Variants in UTS2 observed in about 807,000 individuals in gnomAD.
UTS2 encodes urotensin-2.
Under a neutral mutation model 12.6 loss-of-function variants are expected in UTS2, and 10 were observed. The observed-to-expected ratio is 0.80, with a 90% CI of 0.49 to 1.35. The LOEUF (loss-of-function observed/expected upper bound fraction) is 1.35. Ranked by LOEUF, UTS2 falls within the 40% of genes most tolerant of loss-of-function variation. The pLI is 0.00. For synonymous variants in UTS2, 52 were observed against 50.0 expected, an observed-to-expected ratio of 1.04 and a Z score of -0.17; for missense variants, 142 against 143.2, an observed-to-expected ratio of 0.99 and a Z score of 0.04.
chr1:7,854,083 C>A (rs747577085), upstream of UTS2, among the ~76,000 whole-genome samples: 2 of 152,046 alleles, frequency 1.3e-5, no homozygotes, highest in Non-Finnish European at 2.9e-5. Flanking sequence ...CAGTGGCTCA[C>A]GCCTGTAATC....
the UTS2 span, among the ~76,000 whole-genome samples, chr1:7,886,563 G>A: frequency 2.0e-5 from 3 of 152,108 alleles, no homozygotes; most frequent in Admixed American, 6.5e-5. Context: ...TGAAACCGAT[G>A]GCTCACAAAG....
At chr1:7,892,209 G>T in the UTS2 span, among the ~76,000 whole-genome samples, 4 of 152,172 alleles carry the variant, frequency 2.6e-5, no homozygotes, top group African/African-American at 9.7e-5. Context: ...CAGACCTGGT[G>T]GCTTCAAACA....
upstream of UTS2, among the ~76,000 whole-genome samples, chr1:7,855,180 A>T (rs1638281625): frequency 6.6e-6 from 1 of 152,060 alleles, no homozygotes; most frequent in African/African-American, 2.4e-5. Flanking sequence ...CAAACAAGTC[A>T]TGATGTATAC....
At chr1:7,850,120 C>A (rs1242746540) in intron 2 of UTS2, among the ~76,000 whole-genome samples, 1 of 152,026 alleles carries the variant, frequency 6.6e-6, no homozygotes, top group Non-Finnish European at 1.5e-5. Context: ...CAGGTGCCCG[C>A]CACCATGCCC....
the UTS2 span, among the ~76,000 whole-genome samples, chr1:7,901,707 T>C: frequency 3.9e-4 from 60 of 151,922 alleles, no homozygotes; most frequent in Non-Finnish European, 6.9e-4. Context: ...ATTTTACAAA[T>C]GAGGAAACGG....
chr1:7,906,508 A>AGAAAGAAAGAAAG, the UTS2 span, among the ~76,000 whole-genome samples: 1 of 150,252 alleles, frequency 6.7e-6, no homozygotes, highest in African/African-American at 2.5e-5. Flanking sequence ...AGAAAGAAAG[A>AGAAAGAAAGAAAG]AAAGAGGGAG....
chr1:7,851,062 A>G, intron 1 of UTS2, 140 bp from the exon 2 acceptor site: 3 of 751,596 alleles, frequency 4.0e-6, no homozygotes, highest in Non-Finnish European at 6.6e-6. Flanking sequence ...ACGTGTCATC[A>G]GTGGTATTCT....
At chr1:7,856,520 G>T (rs943573648), upstream of UTS2, among the ~76,000 whole-genome samples, 2 of 47,874 alleles carry the variant, frequency 4.2e-5, no homozygotes, top group African/African-American at 1.8e-4. Flanking sequence ...GGGAAGCGTG[G>T]CCTCCGAGGA....
chr1:7,906,932 T>A, the UTS2 span, among the ~76,000 whole-genome samples: 3 of 152,144 alleles, frequency 2.0e-5, no homozygotes, highest in Admixed American at 2.0e-4. Context: ...TTATTAGCCT[T>A]TGCCACTGAA....
chr1:7,848,201 A>G (rs1260208445), intron 3 of UTS2, among the ~76,000 whole-genome samples: 1 of 152,042 alleles, frequency 6.6e-6, no homozygotes, highest in Non-Finnish European at 1.5e-5. Context: ...TAATCCTAGC[A>G]CTTTAGGAGG....
At chr1:7,862,058 G>T in the UTS2 span, among the ~76,000 whole-genome samples, 1 of 151,596 alleles carries the variant, frequency 6.6e-6, no homozygotes, top group Non-Finnish European at 1.5e-5. Flanking sequence ...GATTACAGGG[G>T]CTGCCCACCA....
upstream of UTS2, chr1:7,853,430 ATT>A: frequency 6.2e-7 from 1 of 1,613,212 alleles, no homozygotes; most frequent in Non-Finnish European, 8.5e-7. Flanking sequence ...GTTGGTTTCC[ATT>A]TTTTAATCTT....
At chr1:7,861,915 C>CT in the UTS2 span, among the ~76,000 whole-genome samples, 3,940 of 142,794 alleles carry the variant, frequency 0.028, 136 homozygotes, top group African/African-American at 0.085. Context: ...CAAAACACCT[C>CT]TTTTTTTTTT....
chr1:7,856,823 G>GT (rs1321476240), upstream of UTS2, among the ~76,000 whole-genome samples: 1 of 152,134 alleles, frequency 6.6e-6, no homozygotes, highest in African/African-American at 2.4e-5. Context: ...CACTTTGGGG[G>GT]GCCGAGGCAG....
the UTS2 span, among the ~76,000 whole-genome samples, chr1:7,903,957 G>A: frequency 0.12 from 18,498 of 152,076 alleles, 1,497 homozygotes; most frequent in Middle Eastern, 0.2. Flanking sequence ...TTTATTACCC[G>A]TCTGATGTAC....
At chr1:7,859,056 T>A in the UTS2 span, among the ~76,000 whole-genome samples, 1 of 152,218 alleles carries the variant, frequency 6.6e-6, no homozygotes, top group Non-Finnish European at 1.5e-5. Context: ...GTGCTTTGAA[T>A]ACTGCAATGT....
chr1:7,906,482 A>AGAAAGAAG, the UTS2 span, among the ~76,000 whole-genome samples: 1 of 146,984 alleles, frequency 6.8e-6, no homozygotes, highest in Non-Finnish European at 1.5e-5. Context: ...AAAGAAAGAA[A>AGAAAGAAG]GAAAGAAAGA....
At chr1:7,890,976 C>G in the UTS2 span, among the ~76,000 whole-genome samples, 33,253 of 148,816 alleles carry the variant, frequency 0.22, 4,712 homozygotes, top group East Asian at 0.45. Context: ...CACCCCCCCC[C>G]ACAAAACTGG....
the UTS2 span, among the ~76,000 whole-genome samples, chr1:7,879,711 G>A: frequency 2.0e-5 from 3 of 151,630 alleles, no homozygotes; most frequent in Non-Finnish European, 1.5e-5. Flanking sequence ...ACTGCACTCC[G>A]GCCTGGATGA....
Sources: gnomAD v4.1 joint callset for allele counts (sites outside exome capture counted in the v4.1 genomes callset) on GRCh38, gnomAD v4.1.1 for gene constraint, MANE v1.5 for transcripts, NCBI Gene and HGNC (gene_info 2026-07-23, HGNC 2026-07-21) for gene names.